The following CHL1 variants were observed in gnomAD, a reference collection of about 807,000 sequenced individuals.
The protein encoded by CHL1 is cell adhesion molecule L1 like, also known as neural cell adhesion molecule L1-like protein.
CHL1 carries 96 observed loss-of-function variants against 141.9 expected under a neutral mutation model. That is an observed-to-expected ratio of 0.68 (90% CI 0.57 to 0.80). CHL1 has a LOEUF of 0.80. Ranked by LOEUF, CHL1 falls within the 30% of genes least tolerant of loss-of-function variation. The probability of loss-of-function intolerance (pLI) is 0.00; values close to 1 mark genes in which losing one functional copy is unlikely to be tolerated. For missense variants in CHL1, 1,820 were observed against 1,457.2 expected (o/e 1.25, Z -4.05); for synonymous variants, 613 against 502.2 (o/e 1.22, Z -2.95).
chr3:382,295 G>A lies in CHL1; in HGVS notation c.1978+15G>A. On this transcript the variant is annotated intron_variant, in intron 17 of 27. Transcript: ENST00000256509. The stretch of plus-strand genomic sequence containing the variant: ...CAATATTAGCGGTAGGAAGACTTGG[G>A]ATAACTGTTTTCATTACTCTAGATA... 1 of 1,607,020 alleles carries A rather than the reference G, an allele frequency of 6.2e-7. No individual in the cohort carries two copies. Among genetic ancestry groups the A allele is most frequent in the Non-Finnish European group, 8.5e-7 (1 of 1,173,996 alleles).
At position 344,714 on chromosome 3, in the gene CHL1, G is replaced by A. The variant is rs1702617762; in HGVS notation, c.848+5G>A. Reference sequence around the variant, plus strand: ...TGAGTGTTTTGCTGAAGGCTTGTGAGTAACCTGACTCTCACTCATGACTTT... The same window carrying A: ...TGAGTGTTTTGCTGAAGGCTTGTGAATAACCTGACTCTCACTCATGACTTT... On this transcript the variant is annotated splice_donor_5th_base_variant and intron_variant, in intron 9 of 27. Coordinates refer to ENST00000256509, the MANE Select transcript of CHL1 (RefSeq NM_006614.4). 6.2e-7 allele frequency: 1 copy of A among 1,613,382 alleles called. No homozygotes were observed. The highest frequency in any genetic ancestry group is 8.5e-7 in the Non-Finnish European group (1 of 1,179,642).
intron 27 of CHL1, among the ~76,000 whole-genome samples, chr3:402,986 G>T (rs978311544): frequency 6.6e-6 from 1 of 152,140 alleles, no homozygotes. Flanking sequence ...GCTTAGATGG[G>T]TACTTCTGGC....
intron 11 of CHL1, among the ~76,000 whole-genome samples, chr3:355,767 G>T (rs1396412181): frequency 1.3e-5 from 2 of 151,954 alleles, no homozygotes; most frequent in Admixed American, 6.6e-5. Context: ...GGTTGTGCTT[G>T]AATGAAAAAA....
chr3:399,097 CTAT>C lies in CHL1; in HGVS notation c.3340_3342del (p.Leu1114del), dbSNP rs1330962005. Reference sequence around the variant, plus strand: ...GTGTGCGATTGCTCTTCTCACACTACTATTATTAACTGTTTGCTTTGTGAAGAG... The same window carrying C: ...GTGTGCGATTGCTCTTCTCACACTACTATTAACTGTTTGCTTTGTGAAGAG... On this transcript the variant is annotated inframe_deletion, in exon 26 of 28. Coordinates refer to ENST00000256509, the MANE Select transcript of CHL1 (RefSeq NM_006614.4). 1.9e-6 allele frequency: 3 copies of C among 1,607,392 alleles called. No homozygotes were observed. The highest frequency in any genetic ancestry group is 2.6e-6 in the Non-Finnish European group (3 of 1,173,892).
chr3:391,006 G>A lies in CHL1; in HGVS notation c.2638G>A (p.Glu880Lys). The A allele has an allele frequency of 6.2e-7, 1 of 1,614,200 alleles. No homozygotes were observed. Among genetic ancestry groups the A allele is most frequent in the Non-Finnish European group, 8.5e-7 (1 of 1,180,006 alleles). ...SLLDGRTHPKEVNILRFSGQR... is the reference protein window; with the variant it reads ...SLLDGRTHPKKVNILRFSGQR... Reference sequence around the variant, plus strand: ...GTTGGATGGAAGAACACATCCCAAAGAAGTGAACATTCTAAGATTTTCAGG... The same window carrying A: ...GTTGGATGGAAGAACACATCCCAAAAAAGTGAACATTCTAAGATTTTCAGG... The change falls in exon 22 of 28, where the codon GAA becomes AAA. Residue 880 changes from glutamate to lysine, a missense_variant. By Grantham distance (56) the Glu-to-Lys change is moderately conservative. Transcript: ENST00000256509.
At chr3:396,881 A>C (rs188338751) in intron 24 of CHL1, among the ~76,000 whole-genome samples, 6 of 152,246 alleles carry the variant, frequency 3.9e-5, no homozygotes, top group Admixed American at 3.3e-4. Context: ...CAATGAGGAG[A>C]GATACATCTT....
At chr3:386,464 C>T (rs1423702314) in intron 19 of CHL1, among the ~76,000 whole-genome samples, 1 of 152,118 alleles carries the variant, frequency 6.6e-6, no homozygotes, top group African/African-American at 2.4e-5. Context: ...AGTGTTCGAA[C>T]ATCATAATGT....
At chr3:333,048 G>A (rs1042458079) in intron 5 of CHL1, among the ~76,000 whole-genome samples, 9 of 148,620 alleles carry the variant, frequency 6.1e-5, no homozygotes, top group African/African-American at 2.2e-4. Flanking sequence ...GGATAATTCT[G>A]ACCAGAATAT....
In CHL1 at chr3:349,348, AT is replaced by A; in HGVS notation, c.849-5del. ...TAAAAAAATGTTTATTTATTTAACT[AT>A]TTTTTGCAGGCCAACTCCACAGGTT... On this transcript the variant is annotated splice_polypyrimidine_tract_variant and intron_variant, in intron 9 of 27. Transcript: ENST00000256509. The A allele has an allele frequency of 1.9e-6, 3 of 1,605,110 alleles. No homozygotes were observed. The highest frequency in any genetic ancestry group is 2.6e-6 in the Non-Finnish European group (3 of 1,176,358).
intron 2 of CHL1, among the ~76,000 whole-genome samples, chr3:299,849 C>T (rs879292975): frequency 3.9e-5 from 6 of 152,052 alleles, no homozygotes; most frequent in Non-Finnish European, 7.4e-5. Flanking sequence ...AATAAATCTA[C>T]GAATAGTGAG....
chr3:393,916 C>G (rs993141798), intron 23 of CHL1, among the ~76,000 whole-genome samples: 1 of 151,998 alleles, frequency 6.6e-6, no homozygotes, highest in African/African-American at 2.4e-5. Flanking sequence ...ATTTTTTTAA[C>G]CTCTATGGTA....
At position 391,082 on chromosome 3, in the gene CHL1, A is replaced by G; in HGVS notation, c.2714A>G (p.His905Arg). Residue 905 changes from histidine (H) to arginine (R), a missense_variant, in exon 22 of 28, where the codon CAT becomes CGT. Transcript: ENST00000256509. ...TCCTTAGATGCCTTTAGTGAATTTC[A>G]TTTAACAGTCTTAGCCTATAACTCT... ...VPSLDAFSEF[H>R]LTVLAYNSKG... is the part of the protein sequence containing the mutation. 6.2e-7 allele frequency: 1 copy of G among 1,613,882 alleles called. No homozygotes were observed.
chr3:219,164 A>G (rs1700598661), intron 1 of CHL1, among the ~76,000 whole-genome samples: 1 of 151,986 alleles, frequency 6.6e-6, no homozygotes, highest in African/African-American at 2.4e-5. Flanking sequence ...AAAAGGTCAA[A>G]AAATAAAAGA....
intron 2 of CHL1, among the ~76,000 whole-genome samples, chr3:245,707 GA>G (rs1229696847): frequency 6.6e-6 from 1 of 152,004 alleles, no homozygotes; most frequent in Non-Finnish European, 1.5e-5. Flanking sequence ...AAATAATGAA[GA>G]CCATGTGGAA....
At chr3:311,219 T>G (rs538909063) in intron 2 of CHL1, among the ~76,000 whole-genome samples, 10 of 152,318 alleles carry the variant, frequency 6.6e-5, no homozygotes. Flanking sequence ...AGTTTTCAAC[T>G]CCTTTGGGTA....
chr3:199,040 G>A (rs1698680907), intron 1 of CHL1, among the ~76,000 whole-genome samples: 1 of 152,240 alleles, frequency 6.6e-6, no homozygotes, highest in African/African-American at 2.4e-5. Context: ...ACCTGCAGAT[G>A]TTGCAGTTGG....
chr3:214,339 T>A (rs914142797), intron 1 of CHL1, among the ~76,000 whole-genome samples: 4 of 152,094 alleles, frequency 2.6e-5, no homozygotes, highest in Admixed American at 1.3e-4. Flanking sequence ...ACAATATGCA[T>A]GTGAAACAAA....
chr3:239,606 A>ATATATATATATT (rs1553586852), intron 1 of CHL1, among the ~76,000 whole-genome samples: 2 of 139,356 alleles, frequency 1.4e-5, no homozygotes, highest in Non-Finnish European at 3.2e-5. Flanking sequence ...AAATATATAT[A>ATATATATATATT]TTTTAAAATT....
intron 1 of CHL1, among the ~76,000 whole-genome samples, chr3:225,008 C>T (rs373583984): frequency 1.1e-4 from 16 of 152,054 alleles, no homozygotes; most frequent in African/African-American, 3.6e-4. Context: ...TGGTGGCTCA[C>T]GCCTGTAATC....
Sources: allele counts gnomAD v4.1 joint callset (sites outside exome capture counted in the v4.1 genomes callset), GRCh38; gene constraint gnomAD v4.1.1; transcripts MANE v1.5; gene names NCBI Gene and HGNC (gene_info 2026-07-23, HGNC 2026-07-21).